The following PPP1R12B variants were observed in gnomAD, a reference collection of about 807,000 sequenced individuals.
PPP1R12B encodes myosin phosphatase target subunit 2.
A neutral mutation model predicts 126.1 loss-of-function variants in PPP1R12B; 76 were observed. The observed-to-expected ratio is 0.60, with a 90% confidence interval of 0.50 to 0.73. PPP1R12B has a LOEUF of 0.73. Ranked by LOEUF, PPP1R12B falls within the 30% of genes least tolerant of loss-of-function variation. The pLI is 0.00. For missense variants in PPP1R12B, 1,052 were observed against 1,205.1 expected (o/e 0.87, Z 1.88); for synonymous variants, 356 against 434.7 (o/e 0.82, Z 2.25).
chr1:202,391,406 T>C (rs994047545), intron 1 of PPP1R12B, among the ~76,000 whole-genome samples: 8 of 152,058 alleles, frequency 5.3e-5, no homozygotes, highest in African/African-American at 1.9e-4. Context: ...TGTGGTGAAA[T>C]TGGAGCTCTC....
intron 1 of PPP1R12B, among the ~76,000 whole-genome samples, chr1:202,356,753 G>A (rs1657174941): frequency 6.6e-6 from 1 of 151,944 alleles, no homozygotes; most frequent in Admixed American, 6.6e-5. Context: ...TCTTCTCTCA[G>A]AGCCTCCACA....
intron 18 of PPP1R12B, among the ~76,000 whole-genome samples, chr1:202,516,949 C>T (rs1284387869): frequency 2.0e-5 from 3 of 152,214 alleles, no homozygotes; most frequent in Non-Finnish European, 4.4e-5. Context: ...ATCAGGTTCT[C>T]ATTACTGGTA....
intron 1 of PPP1R12B, chr1:202,370,208 T>C: frequency 5.5e-6 from 1 of 180,860 alleles, no homozygotes; most frequent in Non-Finnish European, 1.2e-5. Context: ...GACATCCCAC[T>C]CTTTCAGTTT....
chr1:202,404,902 A>G (rs538300951), intron 1 of PPP1R12B, among the ~76,000 whole-genome samples: 6 of 152,308 alleles, frequency 3.9e-5, no homozygotes, highest in Admixed American at 2.6e-4. Flanking sequence ...CTCATTTTAT[A>G]TTAGAGATTA....
At chr1:202,375,763 C>T (rs1661081416) in intron 1 of PPP1R12B, among the ~76,000 whole-genome samples, 1 of 152,172 alleles carries the variant, frequency 6.6e-6, no homozygotes, top group Non-Finnish European at 1.5e-5. Flanking sequence ...CGGTATTGCC[C>T]AGGCTGGTCT....
At chr1:202,427,643 A>G (rs899873202) in intron 5 of PPP1R12B, among the ~76,000 whole-genome samples, 4 of 151,870 alleles carry the variant, frequency 2.6e-5, no homozygotes, top group Admixed American at 2.0e-4. Flanking sequence ...TACTGATTTT[A>G]TTTTATTATT....
intron 18 of PPP1R12B, among the ~76,000 whole-genome samples, chr1:202,517,782 T>C (rs1374809187): frequency 6.6e-6 from 1 of 152,000 alleles, no homozygotes; most frequent in East Asian, 1.9e-4. Context: ...ACCACTATCA[T>C]GCCCCTCTAA....
At chr1:202,498,318 A>G (rs1453128672) in intron 18 of PPP1R12B, among the ~76,000 whole-genome samples, 2 of 152,262 alleles carry the variant, frequency 1.3e-5, no homozygotes, top group East Asian at 3.8e-4. Flanking sequence ...AGTGTTTACC[A>G]TGTGTCAGGA....
At chr1:202,371,987 T>A (rs1321920555) in intron 1 of PPP1R12B, among the ~76,000 whole-genome samples, 3 of 148,940 alleles carry the variant, frequency 2.0e-5, no homozygotes, top group Admixed American at 6.8e-5. Flanking sequence ...TTCTCCTGCC[T>A]CAGCCTCCCG....
At chr1:202,351,212 TTTGTTG>T (rs60936070) in intron 1 of PPP1R12B, among the ~76,000 whole-genome samples, 2,227 of 146,514 alleles carry the variant, frequency 0.015, 63 homozygotes, top group African/African-American at 0.053. Flanking sequence ...TGGAGAAGTT[TTTGTTG>T]TTGTTGTTGT....
At chr1:202,529,502 A>T (rs1231479020) in intron 18 of PPP1R12B, among the ~76,000 whole-genome samples, 1 of 152,186 alleles carries the variant, frequency 6.6e-6, no homozygotes, top group East Asian at 1.9e-4. Flanking sequence ...CAGTTAACTA[A>T]AAGTGGGAAA....
At chr1:202,427,877 C>T (rs1669745544) in intron 5 of PPP1R12B, among the ~76,000 whole-genome samples, 1 of 152,088 alleles carries the variant, frequency 6.6e-6, no homozygotes, top group Non-Finnish European at 1.5e-5. Flanking sequence ...GTCTCGATCT[C>T]CTGACCTCGT....
intron 13 of PPP1R12B, among the ~76,000 whole-genome samples, chr1:202,479,812 G>T (rs1308438884): frequency 6.6e-6 from 1 of 152,188 alleles, no homozygotes; most frequent in Non-Finnish European, 1.5e-5. Flanking sequence ...GCTGAATCAG[G>T]ACCTCTGGTG....
At chr1:202,545,347 G>A (rs1558355650) in intron 18 of PPP1R12B, among the ~76,000 whole-genome samples, 2 of 152,218 alleles carry the variant, frequency 1.3e-5, no homozygotes, top group African/African-American at 4.8e-5. Context: ...AGTAGAGACT[G>A]GCCTAGTTAA....
intron 1 of PPP1R12B, among the ~76,000 whole-genome samples, chr1:202,412,341 A>G (rs1312158652): frequency 1.3e-5 from 2 of 152,222 alleles, no homozygotes; most frequent in African/African-American, 4.8e-5. Flanking sequence ...ACAAAATTTA[A>G]AAGAAGAGAA....
At chr1:202,377,658 T>C (rs1661419531) in intron 1 of PPP1R12B, among the ~76,000 whole-genome samples, 1 of 151,656 alleles carries the variant, frequency 6.6e-6, no homozygotes, top group South Asian at 2.1e-4. Context: ...GATGGATTGA[T>C]TGGAGGAAGG....
chr1:202,417,019 C>G, intron 2 of PPP1R12B, 102 bp downstream of exon 2: 3 of 1,271,972 alleles, frequency 2.4e-6, no homozygotes, highest in Non-Finnish European at 3.1e-6. Flanking sequence ...GTTATAATCT[C>G]TCTTTATTAC....
intron 13 of PPP1R12B, among the ~76,000 whole-genome samples, chr1:202,482,452 TA>T (rs1282589786): frequency 2.0e-5 from 3 of 152,316 alleles, no homozygotes; most frequent in Admixed American, 1.3e-4. Flanking sequence ...AAATGGTACC[TA>T]TTGTGGTTTT....
At chr1:202,353,336 C>T (rs915515930) in intron 1 of PPP1R12B, among the ~76,000 whole-genome samples, 1 of 152,110 alleles carries the variant, frequency 6.6e-6, no homozygotes, top group Non-Finnish European at 1.5e-5. Context: ...AGTGTCAGGA[C>T]CCATGGCAAC....
Sources: gnomAD v4.1 joint callset for allele counts (sites outside exome capture counted in the v4.1 genomes callset) on GRCh38, gnomAD v4.1.1 for gene constraint, MANE v1.5 for transcripts, NCBI Gene and HGNC (gene_info 2026-07-23, HGNC 2026-07-21) for gene names.